Variants in BCAS3 observed in about 807,000 individuals in gnomAD.
The protein encoded by BCAS3 is BCAS3 microtubule associated cell migration factor, also known as BCAS4/BCAS3 fusion.
BCAS3 carries 53 observed loss-of-function variants against 116.1 expected under a neutral mutation model. The ratio of observed to expected loss-of-function variants is 0.46; its 90% CI spans 0.37 to 0.57. BCAS3 has a LOEUF of 0.57. BCAS3 is among the 20% of genes least tolerant of loss of function. BCAS3 has a pLI of 0.00. For synonymous variants in BCAS3, 391 were observed against 408.2 expected, an observed-to-expected ratio of 0.96 and a Z score of 0.51; for missense variants, 917 against 1,165.4, an observed-to-expected ratio of 0.79 and a Z score of 3.10.
intron 22 of BCAS3, among the ~76,000 whole-genome samples, chr17:61,312,800 G>A (rs575756383): frequency 4.5e-4 from 68 of 152,298 alleles, no homozygotes; most frequent in Middle Eastern, 3.4e-3. Flanking sequence ...TTGTCAGAGC[G>A]TGAGCTTCAG....
At chr17:61,242,022 A>T (rs925148777) in intron 22 of BCAS3, among the ~76,000 whole-genome samples, 13 of 152,180 alleles carry the variant, frequency 8.5e-5, no homozygotes, top group Admixed American at 2.0e-4. Context: ...CACACCTGTA[A>T]TTCCAGCACT....
At chr17:60,831,891 C>G (rs2050973236) in intron 7 of BCAS3, among the ~76,000 whole-genome samples, 1 of 151,976 alleles carries the variant, frequency 6.6e-6, no homozygotes, top group South Asian at 2.1e-4. Context: ...TTTGATTAGT[C>G]TTTTTCACTT....
chr17:60,771,467 C>A lies in BCAS3; in HGVS notation c.403+24188C>A, dbSNP rs143575601. 9.9e-5 allele frequency among the ~76,000 whole-genome samples: 15 copies of A among 152,194 alleles called. No homozygotes were observed. In the East Asian group the frequency reaches 1.9e-3, roughly 20 times the overall value. ...AAATTTCCTTTACCTTAAATCAAATCAAACTTTTAAAAGAAACGTTGGTTC... is the reference window on the plus strand; with the variant it reads ...AAATTTCCTTTACCTTAAATCAAATAAAACTTTTAAAAGAAACGTTGGTTC... On this transcript the variant is annotated intron_variant, in intron 6 of 23. Coordinates refer to ENST00000407086, the MANE Select transcript of BCAS3 (RefSeq NM_017679.5).
chr17:61,021,290 T>C lies in BCAS3; in HGVS notation c.1637+5389T>C, dbSNP rs747085634. Among the ~76,000 whole-genome samples, 1 of 152,062 alleles carries C rather than the reference T, an allele frequency of 6.6e-6. No homozygotes were observed. On this transcript the variant is annotated intron_variant, in intron 16 of 23. Transcript: ENST00000407086. The surrounding 1 kb of genome is among the most constrained non-coding windows in gnomAD (Gnocchi z 4.6). ...GCCCAAGCTGGTCTTGAACTCCTGG[T>C]CTCAAGTGATCCAACTGCCTTAGCC...
intron 22 of BCAS3, among the ~76,000 whole-genome samples, chr17:61,109,184 CAAAA>C (rs4011679): frequency 3.5e-5 from 2 of 57,416 alleles, no homozygotes; most frequent in Non-Finnish European, 4.1e-5. Flanking sequence ...GACTTTGTCT[CAAAA>C]AAAAAAAAAA....
At position 61,281,856 on chromosome 17, in the gene BCAS3, A is replaced by T. The variant is rs115415168; in HGVS notation, c.2426-86471A>T. Among the ~76,000 whole-genome samples the T allele has an allele frequency of 8.0e-3, 1,217 of 152,146 alleles. 13 individuals are homozygous for T. The highest frequency in any genetic ancestry group is 0.027 in the African/African-American group (1,129 of 41,522). ...ATAGCTTTCTCATTTCTCTGTTTTT[A>T]AAAAAAATTCTTCGTTTTATGGTAA... On this transcript the variant is annotated intron_variant, in intron 22 of 23. Coordinates refer to ENST00000407086, the MANE Select transcript of BCAS3 (RefSeq NM_017679.5). The surrounding 1 kb of genome is among the most constrained non-coding windows in gnomAD (Gnocchi z 4.2).
chr17:61,237,380 A>G (rs898822823), intron 22 of BCAS3, among the ~76,000 whole-genome samples: 4 of 152,346 alleles, frequency 2.6e-5, no homozygotes, highest in Non-Finnish European at 4.4e-5. Context: ...GGATTGAAAA[A>G]AGGGCATTCT....
intron 2 of BCAS3, 105 bp from the exon 3 acceptor site, chr17:60,683,875 AAC>A: frequency 1.0e-6 from 1 of 1,000,776 alleles, no homozygotes; most frequent in Non-Finnish European, 1.5e-6. Flanking sequence ...CCAAAAAACA[AAC>A]AACAACAAAA....
chr17:60,988,806 T>A (rs2063342324), intron 14 of BCAS3, among the ~76,000 whole-genome samples: 1 of 152,070 alleles, frequency 6.6e-6, no homozygotes, highest in Non-Finnish European at 1.5e-5. Context: ...GCTAATGATT[T>A]GTCAATTTTG....
At chr17:60,805,058 TACACAC>T (rs760769619) in intron 6 of BCAS3, among the ~76,000 whole-genome samples, 1 of 149,462 alleles carries the variant, frequency 6.7e-6, no homozygotes, top group Non-Finnish European at 1.5e-5. Flanking sequence ...CTTAAGTAAA[TACACAC>T]ACACACACAC....
rs1324186406 is a variant in BCAS3 at position 60,962,165 on chromosome 17, A to T, written c.1221+14813A>T. On this transcript the variant is annotated intron_variant, in intron 14 of 23. Transcript: ENST00000407086. This position sits in a 1 kb window ranked among gnomAD's most constrained non-coding sequence, Gnocchi z 4.4. ...AAACATGGAAGTACAGATATCCCCT[A>T]GATGCATTGATTTTCTTTCTTTTGG... Among the ~76,000 whole-genome samples the T allele has an allele frequency of 6.6e-6, 1 of 152,146 alleles. No homozygotes were observed. The highest frequency in any genetic ancestry group is 2.4e-5 in the African/African-American group (1 of 41,428).
rs2082878356 is a variant in BCAS3, at chr17:61,234,543, A to G, written c.2426-133784A>G. On this transcript the variant is annotated intron_variant, in intron 22 of 23. Transcript: ENST00000407086. ...AAATCAATAGACCTCCCTCCCAGGGAGAGGAGTTTCCTTCTCCTTTGGTGG... is the reference window on the plus strand; with the variant it reads ...AAATCAATAGACCTCCCTCCCAGGGGGAGGAGTTTCCTTCTCCTTTGGTGG... Among the ~76,000 whole-genome samples, 2 of 152,314 alleles carry G rather than the reference A, an allele frequency of 1.3e-5. 1 individual carries two copies. The highest frequency in any genetic ancestry group is 4.1e-4 in the South Asian group (2 of 4,826).
chr17:61,192,314 AATATG>A (rs1317248886), intron 22 of BCAS3, among the ~76,000 whole-genome samples: 2 of 151,518 alleles, frequency 1.3e-5, no homozygotes, highest in Non-Finnish European at 2.9e-5. Flanking sequence ...GTTCCAAAAT[AATATG>A]ATAGGGAGAA....
Position 60,967,441 on chromosome 17 carries a change from C to CT in BCAS3, c.1221+20093dup, listed in dbSNP as rs2061719625. ...CAAATTGGAGATACAGTGTTTGCTT[C>CT]TTTTCTCGTGCTGTTTTTAGGATCT... On this transcript the variant is annotated intron_variant, in intron 14 of 23. Transcript: ENST00000407086. This position sits in a 1 kb window ranked among gnomAD's most constrained non-coding sequence, Gnocchi z 4.7. Among the ~76,000 whole-genome samples the CT allele has an allele frequency of 6.6e-6, 1 of 152,150 alleles. No individual in the cohort carries two copies. The highest frequency in any genetic ancestry group is 6.5e-5 in the Admixed American group (1 of 15,278).
intron 7 of BCAS3, among the ~76,000 whole-genome samples, chr17:60,826,846 C>T (rs1190557571): frequency 6.6e-6 from 1 of 152,112 alleles, no homozygotes; most frequent in African/African-American, 2.4e-5. Context: ...AAGAAGCCCA[C>T]AAAACAAATA....
At chr17:61,216,179 T>G (rs1164040786) in intron 22 of BCAS3, among the ~76,000 whole-genome samples, 1 of 152,188 alleles carries the variant, frequency 6.6e-6, no homozygotes, top group East Asian at 1.9e-4. Context: ...TTCCTAAGAT[T>G]AAATTTTAAG....
In BCAS3 at chr17:61,217,779, CT is replaced by C. The variant is rs1026678605; in HGVS notation, c.2425+133221del. Among the ~76,000 whole-genome samples, 2 of 152,274 alleles carry C rather than the reference CT, an allele frequency of 1.3e-5. No homozygotes were observed. The highest frequency in any genetic ancestry group is 1.9e-4 in the East Asian group (1 of 5,188). On this transcript the variant is annotated intron_variant, in intron 22 of 23. Transcript: ENST00000407086. The surrounding 1 kb of genome is among the most constrained non-coding windows in gnomAD (Gnocchi z 5.2). The stretch of plus-strand genomic sequence containing the variant: ...CTGCTTTGCTTCTACTCCTCTAAGC[CT>C]TTTTTCCCCTCCCTTATTAAAAGTA...
chr17:60,879,583 C>A (rs555329437), intron 9 of BCAS3, among the ~76,000 whole-genome samples: 3 of 152,108 alleles, frequency 2.0e-5, no homozygotes, highest in African/African-American at 4.8e-5. Flanking sequence ...AAGACAAAGA[C>A]CGATAGATGT....
rs550946795 is a variant in BCAS3 at position 61,246,727 on chromosome 17, C to T, written c.2426-121600C>T. Among the ~76,000 whole-genome samples, 4 of 151,764 alleles carry T rather than the reference C, an allele frequency of 2.6e-5. No individual in the cohort carries two copies. In the East Asian group the frequency reaches 7.7e-4, roughly 29 times the overall value. On this transcript the variant is annotated intron_variant, in intron 22 of 23. Transcript: ENST00000407086. ...TGCAAGTCATGCTTTTGTTTTAATA[C>T]AATATCAACCATTCAGCCTTGACAT... is the stretch of plus-strand genomic sequence containing the variant.
Sources: gnomAD v4.1 joint callset for allele counts (sites outside exome capture counted in the v4.1 genomes callset) on GRCh38, gnomAD v4.1.1 for gene constraint, Gnocchi (gnomAD v3.1) non-coding constraint, MANE v1.5 for transcripts, NCBI Gene and HGNC (gene_info 2026-07-23, HGNC 2026-07-21) for gene names.